Variants in SDK1 observed in about 807,000 individuals in gnomAD.
SDK1 encodes the protein sidekick cell adhesion molecule 1.
In SDK1, 157 loss-of-function variants were observed where a neutral mutation model predicts 245.5. The ratio of observed to expected loss-of-function variants is 0.64; its 90% CI spans 0.56 to 0.73. The LOEUF is 0.73. Among genes scored for constraint, SDK1 ranks in the 30% least tolerant of loss-of-function variants. The probability of loss-of-function intolerance (pLI) is 0.00; values close to 1 mark genes in which losing one functional copy is unlikely to be tolerated. For missense variants in SDK1, 3,583 were observed against 3,002.3 expected (o/e 1.19, Z -4.52); for synonymous variants, 1,647 against 1,278.5 (o/e 1.29, Z -6.15).
intron 4 of SDK1, among the ~76,000 whole-genome samples, chr7:3,799,741 A>C (rs1017326265): frequency 1.3e-5 from 2 of 151,426 alleles, no homozygotes; most frequent in Admixed American, 1.3e-4. Context: ...GTTTATCCTA[A>C]AATTGCCATA....
At chr7:4,096,180 T>C (rs1326092108) in intron 22 of SDK1, among the ~76,000 whole-genome samples, 3 of 152,014 alleles carry the variant, frequency 2.0e-5, no homozygotes, top group Admixed American at 6.5e-5. Flanking sequence ...AATCCCAGAG[T>C]CTCCTGGAAT....
In SDK1 at chr7:4,026,685, G is replaced by A. The variant is rs908938614; in HGVS notation, c.2602+9333G>A. Reference sequence around the variant, plus strand: ...AGAAACTTGAGCTTATTTGTCAAAGGTTTGTTAACCTAATAATGCCGTAGA... The same window carrying A: ...AGAAACTTGAGCTTATTTGTCAAAGATTTGTTAACCTAATAATGCCGTAGA... On this transcript the variant is annotated intron_variant, in intron 17 of 44. Coordinates refer to ENST00000404826, the MANE Select transcript of SDK1 (RefSeq NM_152744.4). This position sits in a 1 kb window ranked among gnomAD's most constrained non-coding sequence, Gnocchi z 4.1. 6.6e-6 allele frequency among the ~76,000 whole-genome samples: 1 copy of A among 152,208 alleles called. No homozygotes were observed. The highest frequency in any genetic ancestry group is 6.5e-5 in the Admixed American group (1 of 15,278).
chr7:3,965,589 A>G (rs1396281721), intron 9 of SDK1, among the ~76,000 whole-genome samples: 1 of 152,208 alleles, frequency 6.6e-6, no homozygotes. Context: ...GCTGCTGAGC[A>G]TCTGTGTCGG....
At chr7:3,548,926 C>T (rs745818287) in intron 1 of SDK1, among the ~76,000 whole-genome samples, 1 of 152,170 alleles carries the variant, frequency 6.6e-6, no homozygotes, top group Non-Finnish European at 1.5e-5. Context: ...TCGGAGACTT[C>T]TGTTAAGATC....
intron 19 of SDK1, among the ~76,000 whole-genome samples, chr7:4,059,881 CTTTT>C (rs538796519): frequency 2.9e-5 from 4 of 139,844 alleles, no homozygotes; most frequent in Non-Finnish European, 1.6e-5. Flanking sequence ...TTAAAAATTT[CTTTT>C]TTTTTTTTTT....
rs759660938 is a variant in SDK1, at chr7:4,237,715, G to A, written c.6061G>A (p.Val2021Ile). 2.0e-5 allele frequency: 33 copies of A among 1,613,874 alleles called. No individual in the cohort carries two copies. The South Asian group carries it at 2.9e-4, about 14-fold the overall frequency. The stretch of plus-strand genomic sequence containing the variant: ...GGTGATGGCTCTGTCCAGCCTGATC[G>A]TCATCCTGCTGGTGGTGTTCGCCCT... ...LLVMALSSLIVILLVVFALVL... is the reference protein window; with the variant it reads ...LLVMALSSLIIILLVVFALVL... Residue 2021 changes from valine (V) to isoleucine (I), a missense_variant, in exon 42 of 45, where the codon GTC (valine) becomes ATC (isoleucine). By Grantham distance (29) the Val-to-Ile change is conservative (BLOSUM62 3). Coordinates refer to ENST00000404826, the MANE Select transcript of SDK1 (RefSeq NM_152744.4).
At chr7:3,550,353 G>C (rs1404307357) in intron 1 of SDK1, among the ~76,000 whole-genome samples, 5 of 152,104 alleles carry the variant, frequency 3.3e-5, no homozygotes. Flanking sequence ...GTAGTCTCCA[G>C]ATGAATTAAT....
chr7:3,921,789 G>C (rs1283975706), intron 5 of SDK1, among the ~76,000 whole-genome samples: 4 of 151,858 alleles, frequency 2.6e-5, no homozygotes, highest in Admixed American at 2.6e-4. Context: ...AATATTACCA[G>C]ACCCCATCTC....
intron 7 of SDK1, among the ~76,000 whole-genome samples, chr7:3,957,591 G>A (rs749028637): frequency 6.6e-5 from 10 of 152,082 alleles, no homozygotes; most frequent in South Asian, 2.1e-4. Context: ...AGATCATGAC[G>A]GTAGATATTG....
intron 5 of SDK1, among the ~76,000 whole-genome samples, chr7:3,906,427 C>T (rs1165127155): frequency 1.3e-5 from 2 of 151,738 alleles, no homozygotes. Flanking sequence ...AGAGAGCGCG[C>T]GAGTGCAGGA....
intron 38 of SDK1, among the ~76,000 whole-genome samples, chr7:4,215,952 C>T (rs1025413738): frequency 1.3e-5 from 2 of 152,168 alleles, no homozygotes; most frequent in African/African-American, 4.8e-5. Flanking sequence ...TGCCCAGCCT[C>T]ACACAGGGAG....
At position 3,301,619 on chromosome 7, in the gene SDK1, T is replaced by TGGCGGC. The variant is rs957787144; in HGVS notation, c.44_49dup (p.Gly15_Gly16dup). On this transcript the variant is annotated inframe_insertion, in exon 1 of 45. Transcript: ENST00000404826. ...GGGGCGCCCGGCCCTCGGCGGCCGG[T>TGGCGGC]GGCGGCGGCGGCGGCGCGGAGCCCC... The TGGCGGC allele has an allele frequency of 1.7e-5, 16 of 968,296 alleles. No individual in the cohort carries two copies. The highest frequency in any genetic ancestry group is 5.5e-4 in the Middle Eastern group (1 of 1,834). The allele number at this position is 968,296 out of a possible 1,614,324, so 60.0% of individuals were successfully genotyped here. A position where few individuals can be genotyped will look rare whatever the true frequency, so the allele number is the denominator to read the frequency against.
intron 38 of SDK1, among the ~76,000 whole-genome samples, chr7:4,214,787 A>G (rs960373398): frequency 6.6e-6 from 1 of 152,204 alleles, no homozygotes; most frequent in African/African-American, 2.4e-5. Context: ...CAATGGCCTT[A>G]TAGAGCTTCC....
intron 4 of SDK1, among the ~76,000 whole-genome samples, chr7:3,801,212 T>C (rs114970165): frequency 0.024 from 3,616 of 152,300 alleles, 146 homozygotes; most frequent in African/African-American, 0.083. Context: ...ACTGGGTTTT[T>C]AAAATAGCTG....
intron 4 of SDK1, among the ~76,000 whole-genome samples, chr7:3,671,095 G>T (rs550203469): frequency 2.0e-5 from 3 of 152,182 alleles, no homozygotes; most frequent in Admixed American, 2.0e-4. Context: ...CAAGGCGGGG[G>T]GTGTCTTGCC....
chr7:3,833,244 G>A (rs1259231443), intron 5 of SDK1, among the ~76,000 whole-genome samples: 1 of 152,184 alleles, frequency 6.6e-6, no homozygotes, highest in African/African-American at 2.4e-5. Context: ...ACATAAGTCA[G>A]TAATGGCGAG....
intron 40 of SDK1, among the ~76,000 whole-genome samples, chr7:4,230,039 AGAAGGAAG>A (rs55723679): frequency 0.23 from 15,362 of 66,490 alleles, 1,635 homozygotes; most frequent in Middle Eastern, 0.31. Context: ...AGGGGGACCC[AGAAGGAAG>A]GAAGGAAGGA....
At chr7:4,217,181 G>A (rs1220205364) in intron 38 of SDK1, among the ~76,000 whole-genome samples, 18 of 137,756 alleles carry the variant, frequency 1.3e-4, no homozygotes, top group Admixed American at 7.2e-5. Flanking sequence ...CACACCCCCC[G>A]GAGCACCCTG....
At position 3,654,201 on chromosome 7, in the gene SDK1, A is replaced by C. The variant is rs181030500; in HGVS notation, c.713+12096A>C. Reference sequence around the variant, plus strand: ...TGCTCCTCCAAATGCTGGTTTGTAAAATCTAGAAAGTTCTTTTCGTTGTTG... The same window carrying C: ...TGCTCCTCCAAATGCTGGTTTGTAACATCTAGAAAGTTCTTTTCGTTGTTG... On this transcript the variant is annotated intron_variant, in intron 4 of 44. Transcript: ENST00000404826. 3.3e-5 allele frequency among the ~76,000 whole-genome samples: 5 copies of C among 152,220 alleles called. No homozygotes were observed. The East Asian group carries it at 9.7e-4, about 29-fold the overall frequency.
Sources: gnomAD v4.1 joint callset for allele counts (sites outside exome capture counted in the v4.1 genomes callset) on GRCh38, gnomAD v4.1.1 for gene constraint, Gnocchi (gnomAD v3.1) non-coding constraint, MANE v1.5 for transcripts, NCBI Gene and HGNC (gene_info 2026-07-23, HGNC 2026-07-21) for gene names.